The following CDC42BPB variants were observed in gnomAD, a reference collection of about 807,000 sequenced individuals.
CDC42BPB encodes serine/threonine-protein kinase MRCK beta.
CDC42BPB carries 37 observed loss-of-function variants against 214.9 expected under a neutral mutation model. The observed-to-expected ratio is 0.17, with a 90% CI of 0.13 to 0.23. The LOEUF is 0.23. Ranked by LOEUF, CDC42BPB falls within the 10% of genes least tolerant of loss-of-function variation. CDC42BPB has a pLI of 1.00. For missense variants in CDC42BPB, 1,694 were observed against 2,227.0 expected, an observed-to-expected ratio of 0.76 and a Z score of 4.82; for synonymous variants, 931 against 884.0, an observed-to-expected ratio of 1.05 and a Z score of -0.94.
chr14:102,984,717 C>T (rs938202110), intron 6 of CDC42BPB, among the ~76,000 whole-genome samples: 1 of 152,020 alleles, frequency 6.6e-6, no homozygotes, highest in Non-Finnish European at 1.5e-5. Context: ...GACTGAGGCT[C>T]AGGCAGGAAC....
chr14:102,976,569 G>A (rs1893756214), intron 9 of CDC42BPB, among the ~76,000 whole-genome samples: 1 of 152,250 alleles, frequency 6.6e-6, no homozygotes, highest in Non-Finnish European at 1.5e-5. Flanking sequence ...CACAGCCGAG[G>A]CACAGGCTGA....
chr14:103,001,900 T>C lies in CDC42BPB; in HGVS notation c.447+2028A>G, dbSNP rs538648695. 5.9e-5 allele frequency among the ~76,000 whole-genome samples: 9 copies of C among 152,126 alleles called. No individual in the cohort carries two copies. Among genetic ancestry groups the C allele is most frequent in the Non-Finnish European group, 8.8e-5 (6 of 68,022 alleles). ...GTCTGATCAACGGTCTCCTGGAGCATGGTCTCTGAGGAAAGCTAACGCGGG... is the reference window on the plus strand; with the variant it reads ...GTCTGATCAACGGTCTCCTGGAGCACGGTCTCTGAGGAAAGCTAACGCGGG... On this transcript the variant is annotated intron_variant, in intron 4 of 36. Coordinates refer to ENST00000361246, the MANE Select transcript of CDC42BPB (RefSeq NM_006035.4). The surrounding 1 kb of genome is among the most constrained non-coding windows in gnomAD (Gnocchi z 5.8).
At chr14:103,024,632 A>G (rs181816968) in intron 1 of CDC42BPB, among the ~76,000 whole-genome samples, 34 of 152,354 alleles carry the variant, frequency 2.2e-4, no homozygotes, top group Non-Finnish European at 4.1e-4. Context: ...CAGACTTGAG[A>G]AGGCAGGATC....
intron 36 of CDC42BPB, among the ~76,000 whole-genome samples, chr14:102,935,764 CAAAAAAAAA>C (rs55833197): frequency 1.3e-5 from 1 of 74,578 alleles, no homozygotes; most frequent in African/African-American, 3.9e-5. Flanking sequence ...CACTCTGTCT[CAAAAAAAAA>C]AAAAAAAAAA....
At chr14:102,947,226 A>G (rs1451003843) in intron 27 of CDC42BPB, among the ~76,000 whole-genome samples, 2 of 152,212 alleles carry the variant, frequency 1.3e-5, no homozygotes, top group Admixed American at 1.3e-4. Context: ...TTTATAAGAA[A>G]ATTCCCAGTG....
intron 1 of CDC42BPB, among the ~76,000 whole-genome samples, chr14:103,041,193 C>T (rs372801550): frequency 2.6e-5 from 4 of 152,178 alleles, no homozygotes; most frequent in South Asian, 2.1e-4. Context: ...ATAGTCTGTT[C>T]GACAAACATT....
chr14:103,001,942 G>A lies in CDC42BPB; in HGVS notation c.447+1986C>T, dbSNP rs777254538. Among the ~76,000 whole-genome samples the A allele has an allele frequency of 3.9e-5, 6 of 152,214 alleles. No homozygotes were observed. Among genetic ancestry groups the A allele is most frequent in the Non-Finnish European group, 5.9e-5 (4 of 68,036 alleles). ...TAACGCGGGAGCTCGTGAGGCAGAC[G>A]GCGGAGGCCCACTCCAGAATGAGAA... On this transcript the variant is annotated intron_variant, in intron 4 of 36. Coordinates refer to ENST00000361246, the MANE Select transcript of CDC42BPB (RefSeq NM_006035.4). This position sits in a 1 kb window ranked among gnomAD's most constrained non-coding sequence, Gnocchi z 5.8.
intron 23 of CDC42BPB, among the ~76,000 whole-genome samples, chr14:102,953,202 G>A (rs1025832161): frequency 6.6e-6 from 1 of 152,248 alleles, no homozygotes. Flanking sequence ...AGACCAATAC[G>A]ATCCTCAGCA....
In CDC42BPB at chr14:102,959,683, G is replaced by A; in HGVS notation, c.2849C>T (p.Ser950Phe). Residue 950 changes from serine to phenylalanine, a missense_variant, in exon 21 of 37, where the codon TCC becomes TTC. Ser to Phe is a radical substitution (Grantham distance 155). Coordinates refer to ENST00000361246, the MANE Select transcript of CDC42BPB (RefSeq NM_006035.4). Reference protein sequence around the residue: ...TGLKLPDFQDSIFEYFNTAPL... With the variant: ...TGLKLPDFQDFIFEYFNTAPL... Reference sequence around the variant, plus strand: ...AGCAGTGTTGAAATACTCAAAAATGGAATCCTGAAAATCTGGAAGTTTGAG... The same window carrying A: ...AGCAGTGTTGAAATACTCAAAAATGAAATCCTGAAAATCTGGAAGTTTGAG... The A allele has an allele frequency of 6.2e-7, 1 of 1,612,196 alleles. No homozygotes were observed. Among genetic ancestry groups the A allele is most frequent in the Non-Finnish European group, 8.5e-7 (1 of 1,179,462 alleles).
chr14:103,041,617 T>TG (rs1242147897), intron 1 of CDC42BPB: 30 of 773,020 alleles, frequency 3.9e-5, no homozygotes, highest in Middle Eastern at 7.2e-4. Flanking sequence ...GCACACCGCG[T>TG]TGGGACCCAT....
intron 6 of CDC42BPB, chr14:102,986,284 A>C: frequency 1.9e-6 from 1 of 515,344 alleles, no homozygotes; most frequent in East Asian, 3.3e-5. Flanking sequence ...TGTAAACATA[A>C]AAAGCAATAA....
At chr14:102,986,276 T>A (rs1894245173) in intron 6 of CDC42BPB, 1 of 495,720 alleles carries the variant, frequency 2.0e-6, no homozygotes, top group African/African-American at 1.9e-5. Context: ...ATTACTTTTG[T>A]AAACATAAAA....
intron 1 of CDC42BPB, among the ~76,000 whole-genome samples, chr14:103,017,380 T>G (rs1051655646): frequency 6.6e-6 from 1 of 151,604 alleles, no homozygotes; most frequent in African/African-American, 2.4e-5. Flanking sequence ...CATATAAAAT[T>G]TAAAAATCTG....
intron 36 of CDC42BPB, among the ~76,000 whole-genome samples, chr14:102,934,657 C>CCT (rs1891558309): frequency 6.6e-6 from 1 of 152,170 alleles, no homozygotes; most frequent in African/African-American, 2.4e-5. Flanking sequence ...TAGAGGGGAA[C>CCT]CTCCTCAACA....
At chr14:103,011,386 T>G (rs1443320136) in intron 2 of CDC42BPB, among the ~76,000 whole-genome samples, 4 of 152,220 alleles carry the variant, frequency 2.6e-5, no homozygotes, top group Non-Finnish European at 4.4e-5. Flanking sequence ...CTCTCTGTGT[T>G]TTTTAGAAAA....
At chr14:102,945,081 G>A (rs1892094122) in intron 29 of CDC42BPB, 1 of 356,602 alleles carries the variant, frequency 2.8e-6, no homozygotes, top group African/African-American at 2.1e-5. Flanking sequence ...AGCTGCCAGG[G>A]TACGGCCTCG....
At chr14:103,026,870 T>TAAA (rs1036092882) in intron 1 of CDC42BPB, among the ~76,000 whole-genome samples, 23 of 132,720 alleles carry the variant, frequency 1.7e-4, no homozygotes, top group African/African-American at 6.1e-4. Flanking sequence ...TCCGTCTCAT[T>TAAA]AAAAAAAAAA....
intron 2 of CDC42BPB, among the ~76,000 whole-genome samples, chr14:103,010,232 A>G (rs987948343): frequency 2.0e-5 from 3 of 152,188 alleles, no homozygotes; most frequent in Non-Finnish European, 4.4e-5. Context: ...GGCTGCAGTG[A>G]GCTGTGATCA....
At position 102,951,290 on chromosome 14, in the gene CDC42BPB, T is replaced by C. The variant is rs35238152; in HGVS notation, c.3173-688A>G. Among the ~76,000 whole-genome samples the C allele has an allele frequency of 6.0e-4, 91 of 152,308 alleles. 1 individual carries two copies. The Middle Eastern group carries it at 0.017, about 28-fold the overall frequency. ...ATAACAAAAAACAATGCTTCTGCTATAATGTAGAATGAAGGGCATCTCTGT... is the reference window on the plus strand; with the variant it reads ...ATAACAAAAAACAATGCTTCTGCTACAATGTAGAATGAAGGGCATCTCTGT... On this transcript the variant is annotated intron_variant, in intron 24 of 36. Transcript: ENST00000361246.
Sources: gnomAD v4.1 joint callset for allele counts (sites outside exome capture counted in the v4.1 genomes callset) on GRCh38, gnomAD v4.1.1 for gene constraint, Gnocchi (gnomAD v3.1) non-coding constraint, MANE v1.5 for transcripts, NCBI Gene and HGNC (gene_info 2026-07-23, HGNC 2026-07-21) for gene names.